Variants in GPATCH2L observed in about 807,000 individuals in gnomAD.
The protein encoded by GPATCH2L is G-patch domain containing 2 like, also known as G patch domain-containing protein 2-like.
In GPATCH2L, 31 loss-of-function variants were observed where a neutral mutation model predicts 57.4. That is an observed-to-expected ratio of 0.54 (90% CI 0.41 to 0.73). The LOEUF (loss-of-function observed/expected upper bound fraction) is 0.73. Ranked by LOEUF, GPATCH2L falls within the 30% of genes least tolerant of loss-of-function variation. GPATCH2L has a pLI of 0.00. For synonymous variants in GPATCH2L, 199 were observed against 210.7 expected, an observed-to-expected ratio of 0.94 and a Z score of 0.48; for missense variants, 481 against 599.9, an observed-to-expected ratio of 0.80 and a Z score of 2.07.
intron 2 of GPATCH2L, among the ~76,000 whole-genome samples, chr14:76,159,407 G>T (rs969622527): frequency 2.6e-5 from 4 of 152,138 alleles, no homozygotes; most frequent in African/African-American, 9.7e-5. Context: ...GCCAGCAAGG[G>T]TGCATAGATT....
At chr14:76,157,673 G>GTTT (rs397964557) in intron 2 of GPATCH2L, among the ~76,000 whole-genome samples, 2 of 117,784 alleles carry the variant, frequency 1.7e-5, no homozygotes, top group Non-Finnish European at 2.1e-5. Context: ...CAATGGTAGC[G>GTTT]TTTTTTTTTT....
At chr14:76,195,520 A>G (rs1021583149) in intron 8 of GPATCH2L, among the ~76,000 whole-genome samples, 3 of 152,180 alleles carry the variant, frequency 2.0e-5, no homozygotes, top group Non-Finnish European at 4.4e-5. Flanking sequence ...AAACTTTTCA[A>G]TGTATTACCT....
At chr14:76,165,679 G>A (rs1475095291) in intron 2 of GPATCH2L, among the ~76,000 whole-genome samples, 1 of 152,114 alleles carries the variant, frequency 6.6e-6, no homozygotes, top group African/African-American at 2.4e-5. Flanking sequence ...AGTGAGGAAA[G>A]CATTGCTCCT....
chr14:76,152,758 G>T (rs2038111934), intron 1 of GPATCH2L: 1 of 456,078 alleles, frequency 2.2e-6, no homozygotes, highest in South Asian at 1.5e-5. Context: ...AGTTTGTGCT[G>T]TTCTGCCTGA....
At chr14:76,235,354 A>C (rs2040594099) in intron 2 of GPATCH2L, among the ~76,000 whole-genome samples, 2 of 151,976 alleles carry the variant, frequency 1.3e-5, no homozygotes, top group African/African-American at 2.4e-5. Context: ...TTTTCCCCAT[A>C]CTGTTCTTGT....
intron 7 of GPATCH2L, 34 bp from the exon 8 acceptor site, chr14:76,180,730 A>C: frequency 7.2e-7 from 1 of 1,383,350 alleles, no homozygotes. Flanking sequence ...GTTTCATGTA[A>C]GCCTTACTAA....
intron 2 of GPATCH2L, among the ~76,000 whole-genome samples, chr14:76,163,164 A>C (rs927668769): frequency 6.6e-6 from 1 of 152,214 alleles, no homozygotes. Context: ...TCTGATGCTT[A>C]CTTGCTGTGT....
Position 76,213,249 on chromosome 14 carries a change from A to C in GPATCH2L, c.*11398A>C, listed in dbSNP as rs1488362114. ...AAGTATTGAATAGGTAAGAGTCATA[A>C]AATATTCTTTGCTCAACTGTATGCA... is the stretch of plus-strand genomic sequence containing the variant. On this transcript the variant is annotated 3_prime_UTR_variant, in exon 10 of 10. Transcript: ENST00000261530. The C allele has an allele frequency of 6.6e-6, 1 of 152,178 alleles. No individual in the cohort carries two copies. The highest frequency in any genetic ancestry group is 1.5e-5 in the Non-Finnish European group (1 of 68,024). The allele number at this position is 152,178 out of a possible 1,614,324, so 9.4% of individuals were successfully genotyped here.
chr14:76,172,438 A>G (rs548372742), intron 4 of GPATCH2L, among the ~76,000 whole-genome samples: 1 of 152,360 alleles, frequency 6.6e-6, no homozygotes, highest in Non-Finnish European at 1.5e-5. Flanking sequence ...GGATGCTTTT[A>G]AAATAATTTA....
At chr14:76,234,654 T>A (rs1186198712) in intron 2 of GPATCH2L, 1 of 152,292 alleles carries the variant, frequency 6.6e-6, no homozygotes, top group Non-Finnish European at 1.5e-5. Flanking sequence ...CACAAGGAAA[T>A]AAATTCTGCC....
Position 76,201,757 on chromosome 14 carries a change from G to A in GPATCH2L, c.1355G>A (p.Trp452Ter), listed in dbSNP as rs751557267. ...GCCCCCAAATCACCCAGCTCTGAGT[G>A]GTTGGTGAGGACCTCTGCAGCAGAG... The part of the protein sequence containing the change: ...SQAPKSPSSE[W>*]LVRTSAAEKA... Residue 452 changes from tryptophan to a stop codon, truncating the protein, a stop_gained, in exon 10 of 10, where the codon TGG becomes TAG. Coordinates refer to ENST00000261530, the MANE Select transcript of GPATCH2L (RefSeq NM_017926.4). LOFTEE classifies it high-confidence loss of function. The A allele has an allele frequency of 1.9e-5, 31 of 1,613,862 alleles. 1 individual carries two copies. Among genetic ancestry groups the A allele is most frequent in the Middle Eastern group, 3.3e-4 (2 of 6,084 alleles).
rs1233699156 is a variant in GPATCH2L, at chr14:76,202,732, T to C, written c.*881T>C. 1 of 152,674 alleles carries C rather than the reference T, an allele frequency of 6.5e-6. No individual in the cohort carries two copies. Among genetic ancestry groups the C allele is most frequent in the East Asian group, 1.9e-4 (1 of 5,202 alleles). 9.5% of individuals were successfully genotyped at this position (152,674 alleles called of 1,614,324 possible). On this transcript the variant is annotated 3_prime_UTR_variant, in exon 10 of 10. Transcript: ENST00000261530. Reference sequence around the variant, plus strand: ...AGCAGAAATTCATACTCTATTATAATAATGGCTTCTTGGGGCCATGCTTTG... The same window carrying C: ...AGCAGAAATTCATACTCTATTATAACAATGGCTTCTTGGGGCCATGCTTTG...
At chr14:76,229,553 C>T (rs1317426128) in intron 1 of GPATCH2L, among the ~76,000 whole-genome samples, 1 of 152,108 alleles carries the variant, frequency 6.6e-6, no homozygotes, top group African/African-American at 2.4e-5. Flanking sequence ...TAATATGGGC[C>T]CTGGAAGCAG....
chr14:76,198,762 A>G (rs1181872187), intron 9 of GPATCH2L, among the ~76,000 whole-genome samples: 2 of 149,698 alleles, frequency 1.3e-5, no homozygotes, highest in East Asian at 4.0e-4. Context: ...TGTCAAATGT[A>G]TTGTCAGATG....
chr14:76,205,793 C>G lies in GPATCH2L; in HGVS notation c.*3942C>G, dbSNP rs778015485. 2.0e-5 allele frequency: 3 copies of G among 152,278 alleles called. No homozygotes were observed. The highest frequency in any genetic ancestry group is 4.8e-5 in the African/African-American group (2 of 41,452). The allele number at this position is 152,278 out of a possible 1,614,324, so 9.4% of individuals were successfully genotyped here. ...ATGCGATGGGTTCTCCACTTTGGCTCCAGGCGAAGGCTCCTGGTGGTGATG... is the reference window on the plus strand; with the variant it reads ...ATGCGATGGGTTCTCCACTTTGGCTGCAGGCGAAGGCTCCTGGTGGTGATG... On this transcript the variant is annotated 3_prime_UTR_variant, in exon 10 of 10. Transcript: ENST00000261530.
chr14:76,217,407 C>G (rs745578448), downstream of GPATCH2L, among the ~76,000 whole-genome samples: 1 of 152,040 alleles, frequency 6.6e-6, no homozygotes, highest in Non-Finnish European at 1.5e-5. Flanking sequence ...CACCTCTGCT[C>G]TAAGTGTCCT....
chr14:76,207,594 T>C lies in GPATCH2L; in HGVS notation c.*5743T>C, dbSNP rs934256586. ...AGATGTGTAATAAATACCTGTTGAG[T>C]TATTGGTAATCTCTTGCTAGGACTG... On this transcript the variant is annotated 3_prime_UTR_variant, in exon 10 of 10. Transcript: ENST00000261530. 5 of 152,036 alleles carry C rather than the reference T, an allele frequency of 3.3e-5. No homozygotes were observed. Among genetic ancestry groups the C allele is most frequent in the African/African-American group, 9.7e-5 (4 of 41,384 alleles). 9.4% of individuals were successfully genotyped at this position (152,036 alleles called of 1,614,324 possible). A position where few individuals can be genotyped will look rare whatever the true frequency, so the allele number is the denominator to read the frequency against.
At position 76,211,148 on chromosome 14, in the gene GPATCH2L, G is replaced by A. The variant is rs921990419; in HGVS notation, c.*9297G>A. The A allele has an allele frequency of 1.3e-5, 2 of 152,220 alleles. No homozygotes were observed. Among genetic ancestry groups the A allele is most frequent in the African/African-American group, 4.8e-5 (2 of 41,438 alleles). 9.4% of individuals were successfully genotyped at this position (152,220 alleles called of 1,614,324 possible). A position where few individuals can be genotyped will look rare whatever the true frequency, so the allele number is the denominator to read the frequency against. On this transcript the variant is annotated 3_prime_UTR_variant, in exon 10 of 10. Transcript: ENST00000261530. ...AGGGTAAAAGCATGGTTTATTCAGA[G>A]CACTGCAAGTGTTTTAGTATGGCCC...
downstream of GPATCH2L, among the ~76,000 whole-genome samples, chr14:76,218,214 C>T (rs1028004214): frequency 3.3e-5 from 5 of 151,166 alleles, no homozygotes; most frequent in African/African-American, 7.3e-5. Flanking sequence ...AAGACTTAGG[C>T]GAAACAATTA....
Sources: allele counts gnomAD v4.1 joint callset (sites outside exome capture counted in the v4.1 genomes callset), GRCh38; gene constraint gnomAD v4.1.1; transcripts MANE v1.5; gene names NCBI Gene and HGNC (gene_info 2026-07-23, HGNC 2026-07-21).